HAPLN1: variants seen among roughly 807,000 people sequenced by gnomAD.
HAPLN1 encodes Cartilage link protein.
Under a neutral mutation model 36.5 loss-of-function variants are expected in HAPLN1, and 13 were observed. The observed-to-expected ratio is 0.36, with a 90% CI of 0.23 to 0.57. The LOEUF (loss-of-function observed/expected upper bound fraction) is 0.57. HAPLN1 is among the 20% of genes least tolerant of loss of function. HAPLN1 has a pLI of 0.83. For missense variants in HAPLN1, 407 were observed against 439.7 expected (o/e 0.93, Z 0.66); for synonymous variants, 202 against 169.8 (o/e 1.19, Z -1.48).
intron 1 of HAPLN1, among the ~76,000 whole-genome samples, chr5:83,685,704 G>A (rs918137652): frequency 4.6e-5 from 7 of 152,146 alleles, no homozygotes; most frequent in East Asian, 1.9e-4. Context: ...GGAGATTGGC[G>A]TTTCTGTAGT....
chr5:83,658,149 C>T (rs115314527), intron 2 of HAPLN1, among the ~76,000 whole-genome samples: 1 of 152,074 alleles, frequency 6.6e-6, no homozygotes, highest in East Asian at 1.9e-4. Context: ...AAAAACAGTT[C>T]TTTATTTTGT....
intron 1 of HAPLN1, among the ~76,000 whole-genome samples, chr5:83,693,124 G>A (rs1751318168): frequency 6.6e-6 from 1 of 151,846 alleles, no homozygotes; most frequent in Non-Finnish European, 1.5e-5. Flanking sequence ...AAAGTTATAT[G>A]AGTATGGCCT....
intron 3 of HAPLN1, among the ~76,000 whole-genome samples, chr5:83,650,747 G>C (rs1750034301): frequency 2.0e-5 from 3 of 147,928 alleles, no homozygotes. Context: ...CCATTTTCCT[G>C]CCTCAGCTTC....
rs181104607 is a variant in HAPLN1, at chr5:83,705,364, T to C, written c.-27+15425A>G. 6.0e-3 allele frequency among the ~76,000 whole-genome samples: 681 copies of C among 113,286 alleles called. 3 individuals carry two copies. The highest frequency in any genetic ancestry group is 0.023 in the African/African-American group (637 of 28,070). 74.3% of individuals were successfully genotyped at this position (113,286 alleles called of 152,430 possible). A position where few individuals can be genotyped will look rare whatever the true frequency, so the allele number is the denominator to read the frequency against. ...GAGATCGCACCATTACACTCCAGCC[T>C]GGGTGACAAGAGTGAAACGTCACAA... is the stretch of plus-strand genomic sequence containing the variant. On this transcript the variant is annotated intron_variant, in intron 1 of 4. Transcript: ENST00000274341.
chr5:83,715,680 AT>A (rs1751900255), intron 1 of HAPLN1, among the ~76,000 whole-genome samples: 1 of 152,202 alleles, frequency 6.6e-6, no homozygotes, highest in African/African-American at 2.4e-5. Context: ...CAGACATATT[AT>A]TGGAACCCTA....
chr5:83,679,947 T>G (rs1750959851), intron 1 of HAPLN1, among the ~76,000 whole-genome samples: 1 of 152,236 alleles, frequency 6.6e-6, no homozygotes, highest in Non-Finnish European at 1.5e-5. Flanking sequence ...CTACTTATGT[T>G]GCATTTTAGG....
chr5:83,668,350 C>T (rs568105769), intron 2 of HAPLN1, among the ~76,000 whole-genome samples: 16 of 152,232 alleles, frequency 1.1e-4, no homozygotes, highest in African/African-American at 3.4e-4. Flanking sequence ...GAAATAAGCT[C>T]AGATTTGAAG....
Position 83,700,632 on chromosome 5 carries a change from A to T in HAPLN1, c.-27+20157T>A, listed in dbSNP as rs138673184. On this transcript the variant is annotated intron_variant, in intron 1 of 4. Transcript: ENST00000274341. ...TTTCCTTTAAATGTTTATGTCTCAA[A>T]CTCTCCTTTCAAACTTTTTTTTTTT... Among the ~76,000 whole-genome samples, 484 of 149,828 alleles carry T rather than the reference A, an allele frequency of 3.2e-3. 2 individuals are homozygous for T. Among genetic ancestry groups the T allele is most frequent in the Non-Finnish European group, 5.0e-3 (339 of 67,716 alleles).
At chr5:83,656,797 A>G (rs527415655) in intron 2 of HAPLN1, among the ~76,000 whole-genome samples, 5 of 152,278 alleles carry the variant, frequency 3.3e-5, no homozygotes, top group African/African-American at 1.2e-4. Flanking sequence ...TTATTATCTT[A>G]CAAATTCTGC....
chr5:83,683,905 C>A (rs1751060491), intron 1 of HAPLN1, among the ~76,000 whole-genome samples: 1 of 151,880 alleles, frequency 6.6e-6, no homozygotes, highest in Non-Finnish European at 1.5e-5. Context: ...TCTCAGTAGG[C>A]AATTGTTTAA....
intron 1 of HAPLN1, among the ~76,000 whole-genome samples, chr5:83,706,928 C>A (rs907854707): frequency 6.6e-6 from 1 of 152,050 alleles, no homozygotes; most frequent in East Asian, 1.9e-4. Context: ...TCCTATACAC[C>A]ACCAGGAGCC....
chr5:83,663,901 C>A (rs1750482907), intron 2 of HAPLN1, among the ~76,000 whole-genome samples: 1 of 149,168 alleles, frequency 6.7e-6, no homozygotes, highest in African/African-American at 2.5e-5. Flanking sequence ...CTTTCAAGAT[C>A]CTCCTAAAAG....
chr5:83,654,393 T>C (rs886857977), intron 2 of HAPLN1, among the ~76,000 whole-genome samples: 2 of 152,232 alleles, frequency 1.3e-5, no homozygotes, highest in Non-Finnish European at 2.9e-5. Flanking sequence ...TTTAGGACCA[T>C]AGAATCTCAA....
At chr5:83,710,747 T>C (rs893736366) in intron 1 of HAPLN1, among the ~76,000 whole-genome samples, 3 of 152,308 alleles carry the variant, frequency 2.0e-5, no homozygotes, top group Middle Eastern at 6.8e-3. Context: ...GGTCAGGATT[T>C]CGAGACCAGC....
chr5:83,654,786 C>G (rs546936006), intron 2 of HAPLN1, among the ~76,000 whole-genome samples: 3 of 152,304 alleles, frequency 2.0e-5, no homozygotes, highest in African/African-American at 7.2e-5. Flanking sequence ...AACAAGGGCT[C>G]TAATGTGACA....
intron 1 of HAPLN1, among the ~76,000 whole-genome samples, chr5:83,678,217 TTGGGTGTGTGTGTG>T (rs1326919820): frequency 1.3e-4 from 4 of 30,962 alleles, no homozygotes; most frequent in Non-Finnish European, 3.5e-4. Context: ...TATCTATAGT[TTGGGTGTGTGTGTG>T]TGTGTGTGTG....
chr5:83,670,418 T>C (rs1441740283), intron 2 of HAPLN1, among the ~76,000 whole-genome samples: 1 of 152,214 alleles, frequency 6.6e-6, no homozygotes, highest in Non-Finnish European at 1.5e-5. Flanking sequence ...CAGTATGTTA[T>C]ATACAAGCTA....
intron 2 of HAPLN1, among the ~76,000 whole-genome samples, chr5:83,670,312 A>G (rs993800518): frequency 7.9e-5 from 12 of 152,192 alleles, no homozygotes; most frequent in Non-Finnish European, 1.2e-4. Flanking sequence ...GACATGAGGA[A>G]CAAAATCCAT....
In HAPLN1 at chr5:83,644,417, A is replaced by C. The variant is rs781246284; in HGVS notation, c.721T>G (p.Trp241Gly). 6 of 1,598,138 alleles carry C rather than the reference A, an allele frequency of 3.8e-6. No individual in the cohort carries two copies. Among genetic ancestry groups the C allele is most frequent in the Non-Finnish European group, 4.3e-6 (5 of 1,175,098 alleles). Residue 241 changes from tryptophan to glycine, a missense_variant, in exon 4 of 5, where the codon TGG becomes GGG. Physicochemically the swap from Trp to Gly is radical, Grantham distance 184. Transcript: ENST00000274341. ...TVPGVRNYGF[W>G]DKDKSRYDVF... Reference sequence around the variant, plus strand: ...TCATATCTGCTTTTATCTTTATCCCAAAATCCGTAGTTCCTGACTCCGGGC... The same window carrying C: ...TCATATCTGCTTTTATCTTTATCCCCAAATCCGTAGTTCCTGACTCCGGGC...
Sources: allele counts gnomAD v4.1 joint callset (sites outside exome capture counted in the v4.1 genomes callset), GRCh38; gene constraint gnomAD v4.1.1; transcripts MANE v1.5; gene names NCBI Gene and HGNC (gene_info 2026-07-23, HGNC 2026-07-21).